PARD3: variants seen among roughly 807,000 people sequenced by gnomAD.
The protein encoded by PARD3 is partitioning defective 3 homolog.
In PARD3, 75 loss-of-function variants were observed where a neutral mutation model predicts 155.4. The observed-to-expected ratio is 0.48, with a 90% CI of 0.40 to 0.58. The LOEUF is 0.58. Among genes scored for constraint, PARD3 ranks in the 20% least tolerant of loss-of-function variants. The pLI is 0.00. For missense variants in PARD3, 1,642 were observed against 1,721.7 expected, an observed-to-expected ratio of 0.95 and a Z score of 0.82; for synonymous variants, 576 against 610.5, an observed-to-expected ratio of 0.94 and a Z score of 0.83.
At chr10:34,239,232 G>C (rs1039837717) in intron 22 of PARD3, among the ~76,000 whole-genome samples, 1 of 152,190 alleles carries the variant, frequency 6.6e-6, no homozygotes, top group Non-Finnish European at 1.5e-5. Flanking sequence ...TCCTGAGGCT[G>C]GCAGCCCACT....
At chr10:34,412,785 C>T (rs1845223660) in intron 5 of PARD3, among the ~76,000 whole-genome samples, 1 of 152,184 alleles carries the variant, frequency 6.6e-6, no homozygotes, top group Non-Finnish European at 1.5e-5. Flanking sequence ...ACTTCAGCTC[C>T]TTTTATATGA....
chr10:34,156,730 A>G (rs532642291), intron 22 of PARD3, among the ~76,000 whole-genome samples: 1 of 152,318 alleles, frequency 6.6e-6, no homozygotes, highest in African/African-American at 2.4e-5. Flanking sequence ...GCAGCCTCCC[A>G]GAGCTCGCCC....
intron 15 of PARD3, chr10:34,343,935 AC>A: frequency 1.0e-6 from 1 of 980,976 alleles, no homozygotes; most frequent in Non-Finnish European, 1.2e-6. Flanking sequence ...CACACATGAT[AC>A]TAGAGGAAAA....
intron 15 of PARD3, chr10:34,344,056 A>G (rs1160131945): frequency 1.1e-6 from 1 of 941,424 alleles, no homozygotes; most frequent in Non-Finnish European, 1.3e-6. Context: ...CTCACCACAT[A>G]TATATGAATA....
chr10:34,363,692 A>T (rs554513638), intron 12 of PARD3, among the ~76,000 whole-genome samples: 2 of 152,292 alleles, frequency 1.3e-5, no homozygotes, highest in South Asian at 4.1e-4. Flanking sequence ...TGTTTCTCGA[A>T]TTAAGATCTT....
chr10:34,245,026 A>C (rs540931679), intron 22 of PARD3, among the ~76,000 whole-genome samples: 3 of 152,274 alleles, frequency 2.0e-5, no homozygotes, highest in South Asian at 2.1e-4. Context: ...ATGACTTCCC[A>C]ACATCACCAA....
At chr10:34,510,828 A>C (rs2081359324) in intron 3 of PARD3, among the ~76,000 whole-genome samples, 1 of 152,180 alleles carries the variant, frequency 6.6e-6, no homozygotes, top group Non-Finnish European at 1.5e-5. Context: ...ATATTGTATT[A>C]ATCATAAATA....
At chr10:34,262,239 A>G (rs1955063748) in intron 22 of PARD3, among the ~76,000 whole-genome samples, 1 of 152,084 alleles carries the variant, frequency 6.6e-6, no homozygotes, top group South Asian at 2.1e-4. Context: ...ACTGTTTTAG[A>G]ACAAAGCCTA....
Position 34,269,707 on chromosome 10 carries a change from C to T in PARD3, c.3369G>A (p.Leu1123=), listed in dbSNP as rs765381623. 1 of 1,614,024 alleles carries T rather than the reference C, an allele frequency of 6.2e-7. No homozygotes were observed. The highest frequency in any genetic ancestry group is 1.1e-5 in the South Asian group (1 of 91,078). Residue 1123 remains leucine (L), a synonymous_variant, in exon 22 of 25, where the codon TTG becomes TTA. Transcript: ENST00000374788. ...TCCGCGGCTTCTTGACTTGGGCATA[C>T]AAAGCATCCATCATATGCCCTTCTC... ...SPREGHMMDA[L]YAQVKKPRNS... is the part of the protein sequence containing the mutation.
intron 18 of PARD3, among the ~76,000 whole-genome samples, chr10:34,334,360 AAAAAG>A (rs1468943633): frequency 1.4e-5 from 2 of 147,538 alleles, no homozygotes; most frequent in African/African-American, 2.4e-5. Flanking sequence ...AAAAAAAAAA[AAAAAG>A]AAAGGAAAGG....
At chr10:34,641,961 G>A (rs2092691735) in intron 2 of PARD3, among the ~76,000 whole-genome samples, 1 of 152,158 alleles carries the variant, frequency 6.6e-6, no homozygotes, top group Non-Finnish European at 1.5e-5. Flanking sequence ...CTCCCAGGCT[G>A]TAAACAAGAC....
intron 13 of PARD3, 86 bp from the exon 14 acceptor site, chr10:34,359,403 A>C: frequency 3.0e-6 from 3 of 1,007,554 alleles, no homozygotes; most frequent in Non-Finnish European, 4.3e-6. Context: ...AAATAAAATA[A>C]AAACAAAGCA....
chr10:34,578,943 A>C (rs1347366631), intron 2 of PARD3, among the ~76,000 whole-genome samples: 1 of 152,232 alleles, frequency 6.6e-6, no homozygotes, highest in East Asian at 1.9e-4. Context: ...AGATAGCCTA[A>C]GCATATACCT....
rs1428399364 is a variant in PARD3, at chr10:34,277,663, T to G, written c.3176+6472A>C. Among the ~76,000 whole-genome samples, 3 of 152,262 alleles carry G rather than the reference T, an allele frequency of 2.0e-5. No homozygotes were observed. The East Asian group carries it at 5.8e-4, about 29-fold the overall frequency. ...TGAAATATATAGTGGTCCCTTAGAA[T>G]AGCTGGGAGGGAAAGTTAACTTGCA... On this transcript the variant is annotated intron_variant, in intron 21 of 24. Coordinates refer to ENST00000374788, the MANE Select transcript of PARD3 (RefSeq NM_001184785.2).
rs544987138 is a variant in PARD3 at position 34,162,212 on chromosome 10, A to G, written c.3420-30629T>C. Among the ~76,000 whole-genome samples the G allele has an allele frequency of 3.3e-3, 502 of 152,276 alleles. 5 individuals carry two copies. Among genetic ancestry groups the G allele is most frequent in the African/African-American group, 0.012 (482 of 41,560 alleles). ...GAGCAGACTAAGGGACCATATGCAC[A>G]CTGGGGGGAAGGGGTGGAGCCACCA... is the stretch of plus-strand genomic sequence containing the variant. On this transcript the variant is annotated intron_variant, in intron 22 of 24. Transcript: ENST00000374788.
intron 1 of PARD3, among the ~76,000 whole-genome samples, chr10:34,711,721 T>C (rs2094451760): frequency 1.3e-5 from 2 of 152,074 alleles, no homozygotes; most frequent in South Asian, 2.1e-4. Context: ...CTATTGGGTA[T>C]AGGAAAGAAC....
intron 1 of PARD3, among the ~76,000 whole-genome samples, chr10:34,779,637 A>G (rs1263216939): frequency 6.6e-6 from 1 of 152,176 alleles, no homozygotes; most frequent in Non-Finnish European, 1.5e-5. Context: ...AAAATAAAAT[A>G]AAGCAACTAT....
chr10:34,733,667 AGAGACGGGGTTT>A (rs2094858411), intron 1 of PARD3, among the ~76,000 whole-genome samples: 1 of 152,194 alleles, frequency 6.6e-6, no homozygotes, highest in East Asian at 1.9e-4. Context: ...TATTTTTAGT[AGAGACGGGGTTT>A]GAGATCTGTG....
intron 24 of PARD3, among the ~76,000 whole-genome samples, chr10:34,113,619 C>G (rs1342306676): frequency 6.6e-6 from 1 of 151,788 alleles, no homozygotes; most frequent in Non-Finnish European, 1.5e-5. Context: ...AGAAATGGGC[C>G]AATTGTAGAG....
Sources: allele counts gnomAD v4.1 joint callset (sites outside exome capture counted in the v4.1 genomes callset), GRCh38; gene constraint gnomAD v4.1.1; transcripts MANE v1.5; gene names NCBI Gene and HGNC (gene_info 2026-07-23, HGNC 2026-07-21).